MAPKAP1: variants seen among roughly 807,000 people sequenced by gnomAD.
MAPKAP1 encodes target of rapamycin complex 2 subunit MAPKAP1.
In MAPKAP1, 20 loss-of-function variants were observed where a neutral mutation model predicts 65.7. That is an observed-to-expected ratio of 0.30 (90% CI 0.21 to 0.44). MAPKAP1 has a LOEUF of 0.44. Ranked by LOEUF, MAPKAP1 falls within the 20% of genes least tolerant of loss-of-function variation. The pLI, the probability that MAPKAP1 is intolerant of heterozygous loss-of-function variation, is 1.00. For synonymous variants in MAPKAP1, 222 were observed against 244.3 expected, an observed-to-expected ratio of 0.91 and a Z score of 0.85; for missense variants, 423 against 648.0, an observed-to-expected ratio of 0.65 and a Z score of 3.77.
chr9:125,479,175 G>C (rs1439221390), intron 9 of MAPKAP1, among the ~76,000 whole-genome samples: 3 of 152,258 alleles, frequency 2.0e-5, no homozygotes, highest in Non-Finnish European at 4.4e-5. Context: ...TTGGCACACA[G>C]TAAGCACTTG....
intron 3 of MAPKAP1, among the ~76,000 whole-genome samples, chr9:125,668,530 A>G (rs1320907601): frequency 6.6e-6 from 1 of 152,238 alleles, no homozygotes; most frequent in East Asian, 1.9e-4. Flanking sequence ...GGGAGGATAC[A>G]GAAGACAGAC....
intron 6 of MAPKAP1, among the ~76,000 whole-genome samples, chr9:125,556,959 T>C: frequency 6.6e-6 from 1 of 152,210 alleles, no homozygotes; most frequent in East Asian, 1.9e-4. Context: ...TATAAAGATT[T>C]CACTTTACCT....
intron 1 of MAPKAP1, among the ~76,000 whole-genome samples, chr9:125,698,281 AT>A: frequency 7.8e-5 from 2 of 25,664 alleles, no homozygotes; most frequent in East Asian, 8.4e-4. Context: ...AATACATAAT[AT>A]ATATAAATAT....
intron 3 of MAPKAP1, among the ~76,000 whole-genome samples, chr9:125,658,419 G>A (rs992288000): frequency 2.0e-5 from 3 of 152,202 alleles, no homozygotes; most frequent in Admixed American, 1.3e-4. Flanking sequence ...TATTTAGCAA[G>A]TCAATATATC....
chr9:125,490,368 C>T (rs908464086), intron 8 of MAPKAP1, among the ~76,000 whole-genome samples: 11 of 151,932 alleles, frequency 7.2e-5, no homozygotes, highest in Admixed American at 3.3e-4. Flanking sequence ...GGTGAAACCC[C>T]GTTTCTACTA....
rs927221371 is a variant in MAPKAP1, at chr9:125,437,436, G to T, written c.*1451C>A. On this transcript the variant is annotated 3_prime_UTR_variant, in exon 12 of 12. Coordinates refer to ENST00000265960, the MANE Select transcript of MAPKAP1 (RefSeq NM_001006617.3). ...TTTATTTTAATATCATTTTAATATC[G>T]AATATGTCACAAGATTTAATGACCA... The T allele has an allele frequency of 6.6e-6, 1 of 152,354 alleles. No homozygotes were observed. Among genetic ancestry groups the T allele is most frequent in the Non-Finnish European group, 1.5e-5 (1 of 68,020 alleles). The allele number at this position is 152,354 out of a possible 1,614,324, so 9.4% of individuals were successfully genotyped here.
chr9:125,480,974 GGAAAAAAAA>G (rs1854293395), intron 9 of MAPKAP1, among the ~76,000 whole-genome samples: 1 of 97,630 alleles, frequency 1.0e-5, no homozygotes, highest in Non-Finnish European at 2.0e-5. Context: ...TCCGTTTCGG[GGAAAAAAAA>G]AAAAAAAAAA....
At chr9:125,450,435 T>C (rs1236683974) in intron 10 of MAPKAP1, among the ~76,000 whole-genome samples, 1 of 152,200 alleles carries the variant, frequency 6.6e-6, no homozygotes, top group Non-Finnish European at 1.5e-5. Flanking sequence ...TACTAGAAGT[T>C]GAGCTTAGTT....
At chr9:125,683,815 G>A (rs1237813663) in intron 1 of MAPKAP1, among the ~76,000 whole-genome samples, 5 of 152,144 alleles carry the variant, frequency 3.3e-5, no homozygotes, top group African/African-American at 4.8e-5. Flanking sequence ...CATAGTGAAG[G>A]AAAATAAGCC....
chr9:125,578,427 TA>T (rs1831516128), intron 5 of MAPKAP1, among the ~76,000 whole-genome samples: 1 of 138,332 alleles, frequency 7.2e-6, no homozygotes, highest in African/African-American at 2.6e-5. Context: ...GAATGATCAA[TA>T]AAAAATAAAT....
intron 4 of MAPKAP1, among the ~76,000 whole-genome samples, chr9:125,590,362 C>T (rs1831920057): frequency 1.3e-5 from 2 of 152,044 alleles, no homozygotes; most frequent in African/African-American, 4.8e-5. Flanking sequence ...CAAGAGCTAG[C>T]ATTTAGGCCA....
chr9:125,454,716 C>T (rs1853102754), intron 10 of MAPKAP1, among the ~76,000 whole-genome samples: 1 of 152,192 alleles, frequency 6.6e-6, no homozygotes, highest in South Asian at 2.1e-4. Context: ...TGTTAGCTTT[C>T]ACTTCCCACT....
chr9:125,495,938 T>G (rs149463189), intron 8 of MAPKAP1, among the ~76,000 whole-genome samples: 1 of 152,238 alleles, frequency 6.6e-6, no homozygotes, highest in Non-Finnish European at 1.5e-5. Flanking sequence ...TGACAGTTGG[T>G]TGGCCTCTGA....
At chr9:125,480,376 C>T (rs993365176) in intron 9 of MAPKAP1, among the ~76,000 whole-genome samples, 3 of 152,010 alleles carry the variant, frequency 2.0e-5, no homozygotes, top group Admixed American at 6.5e-5. Context: ...CTCTGAAATG[C>T]GACTCTACAC....
chr9:125,650,573 C>G (rs939169529), intron 4 of MAPKAP1: 1 of 152,216 alleles, frequency 6.6e-6, no homozygotes, highest in Non-Finnish European at 1.5e-5. Flanking sequence ...CAAACATGTT[C>G]TTTCCATGGC....
At chr9:125,619,722 G>GA (rs1199678167) in intron 4 of MAPKAP1, among the ~76,000 whole-genome samples, 1 of 150,980 alleles carries the variant, frequency 6.6e-6, no homozygotes, top group Non-Finnish European at 1.5e-5. Context: ...CAAGACATTT[G>GA]AAAAAAAATT....
intron 5 of MAPKAP1, among the ~76,000 whole-genome samples, chr9:125,563,579 A>G (rs1830956153): frequency 6.6e-6 from 1 of 152,164 alleles, no homozygotes. Context: ...GGATTCTTCT[A>G]TTATCTCTCC....
In MAPKAP1 at chr9:125,543,051, T is replaced by G; in HGVS notation, c.958+8A>C. 1 of 1,562,484 alleles carries G rather than the reference T, an allele frequency of 6.4e-7. No individual in the cohort carries two copies. The highest frequency in any genetic ancestry group is 8.8e-7 in the Non-Finnish European group (1 of 1,132,898). ...TACTACTGTGAGAATATGATTTAAC[T>G]ATCCCACCTGAAACTTTCTGGGATC... On this transcript the variant is annotated splice_region_variant and intron_variant, in intron 7 of 11. Transcript: ENST00000265960.
chr9:125,571,147 T>C (rs1831217600), intron 5 of MAPKAP1, among the ~76,000 whole-genome samples: 1 of 152,222 alleles, frequency 6.6e-6, no homozygotes, highest in South Asian at 2.1e-4. Flanking sequence ...CATAAATGTG[T>C]TATTGGTATA....
Sources: allele counts gnomAD v4.1 joint callset (sites outside exome capture counted in the v4.1 genomes callset), GRCh38; gene constraint gnomAD v4.1.1; transcripts MANE v1.5; gene names NCBI Gene and HGNC (gene_info 2026-07-23, HGNC 2026-07-21).